The following FBXO27 variants were observed in gnomAD, a reference collection of about 807,000 sequenced individuals.
The protein encoded by FBXO27 is F-box protein 27.
Under a neutral mutation model 28.3 loss-of-function variants are expected in FBXO27, and 28 were observed. That is an observed-to-expected ratio of 0.99 (90% CI 0.73 to 1.36). FBXO27 has a LOEUF of 1.36. Among genes scored for constraint, FBXO27 ranks in the 40% most tolerant of loss-of-function variants. The probability of loss-of-function intolerance (pLI) is 0.00; values close to 1 mark genes in which losing one functional copy is unlikely to be tolerated. For missense variants in FBXO27, 388 were observed against 394.1 expected, an observed-to-expected ratio of 0.98 and a Z score of 0.13; for synonymous variants, 175 against 167.3, an observed-to-expected ratio of 1.05 and a Z score of -0.36.
chr19:39,028,146 G>A (rs1447723172), intron 4 of FBXO27, among the ~76,000 whole-genome samples: 5 of 151,922 alleles, frequency 3.3e-5, no homozygotes, highest in Admixed American at 6.5e-5. Context: ...CAGGAGAATC[G>A]CTGGAACCCA....
rs1160289289 is a variant in FBXO27 at position 39,031,975 on chromosome 19, G to A, written c.253C>T (p.Leu85Phe). The part of the protein sequence containing the change: ...HGATGRALLH[L>F]ARSCQSPARN... ...GCGGGAGACTGGCAGCTGCGGGCGA[G>A]GTGCAGCAGCGCGCGGCCGGTGGCG... is the stretch of plus-strand genomic sequence containing the variant. Residue 85 changes from leucine (L) to phenylalanine (F), a missense_variant, in exon 2 of 6, where the codon CTC becomes TTC. Transcript: ENST00000292853. 2 of 1,521,044 alleles carry A rather than the reference G, an allele frequency of 1.3e-6. No individual in the cohort carries two copies. Among genetic ancestry groups the A allele is most frequent in the South Asian group, 2.5e-5 (2 of 79,170 alleles). The allele number at this position is 1,521,044 out of a possible 1,614,324, so 94.2% of individuals were successfully genotyped here.
chr19:39,026,895 T>C lies in FBXO27; in HGVS notation c.683A>G (p.Gln228Arg), dbSNP rs757208196. 6.2e-7 allele frequency: 1 copy of C among 1,614,198 alleles called. No individual in the cohort carries two copies. The highest frequency in any genetic ancestry group is 8.5e-7 in the Non-Finnish European group (1 of 1,180,044). ...KFSAVPDPIP[Q>R]WNNNACLHVT... The stretch of plus-strand genomic sequence containing the variant: ...GTGAAGGCAGGCATTGTTGTTCCAC[T>C]GCGGGATGGGATCAGGCACAGCAGA... Residue 228 changes from glutamine to arginine, a missense_variant, in exon 5 of 6, where the codon CAG becomes CGG. Transcript: ENST00000292853.
chr19:39,008,961 C>T (rs1334818169), intron 2 of FBXO27, among the ~76,000 whole-genome samples: 1 of 152,150 alleles, frequency 6.6e-6, no homozygotes, highest in East Asian at 1.9e-4. Flanking sequence ...GCTGGGATTA[C>T]AGGCACCCGC....
intron 2 of FBXO27, among the ~76,000 whole-genome samples, chr19:39,013,877 G>A (rs533080171): frequency 1.3e-5 from 2 of 152,088 alleles, no homozygotes; most frequent in Admixed American, 1.3e-4. Context: ...GCCGGGTGTG[G>A]TGGTGGGCGC....
At chr19:39,017,310 C>T (rs2072824693) in intron 1 of FBXO27, among the ~76,000 whole-genome samples, 1 of 152,118 alleles carries the variant, frequency 6.6e-6, no homozygotes, top group Non-Finnish European at 1.5e-5. Context: ...TTGTTTTATA[C>T]ACACACAATG....
chr19:39,022,287 C>T (rs1285512916), downstream of FBXO27, among the ~76,000 whole-genome samples: 1 of 150,712 alleles, frequency 6.6e-6, no homozygotes, highest in Non-Finnish European at 1.5e-5. Flanking sequence ...GGCACACGCT[C>T]CCCCACCACA....
At position 39,032,060 on chromosome 19, in the gene FBXO27, G is replaced by A. The variant is rs757143519; in HGVS notation, c.168C>T (p.Gly56=). 6.5e-6 allele frequency: 10 copies of A among 1,530,426 alleles called. No homozygotes were observed. Among genetic ancestry groups the A allele is most frequent in the South Asian group, 3.7e-5 (3 of 81,612 alleles). 94.8% of individuals were successfully genotyped at this position (1,530,426 alleles called of 1,614,324 possible). A position where few individuals can be genotyped will look rare whatever the true frequency, so the allele number is the denominator to read the frequency against. Residue 56 remains glycine, a synonymous_variant, in exon 2 of 6, where the codon GGC becomes GGT. Transcript: ENST00000292853. This position sits in a 1 kb window ranked among gnomAD's most constrained non-coding sequence, Gnocchi z 4.7. The part of the protein sequence containing the change: ...LLGRCRQVCR[G]WRALVDGQAL... ...CCTGGCCGTCCACCAGGGCTCGCCAGCCCCGGCACACTTGGCGGCAGCGCC... is the reference window on the plus strand; with the variant it reads ...CCTGGCCGTCCACCAGGGCTCGCCAACCCCGGCACACTTGGCGGCAGCGCC...
chr19:39,019,839 C>T (rs1312847823), downstream of FBXO27, among the ~76,000 whole-genome samples: 4 of 152,070 alleles, frequency 2.6e-5, no homozygotes, highest in African/African-American at 9.7e-5. Flanking sequence ...GCAACCTCCG[C>T]CTCCTGGGTT....
chr19:39,031,682 C>G (rs1185732781), intron 2 of FBXO27, among the ~76,000 whole-genome samples, 182 bp downstream of exon 2: 1 of 151,262 alleles, frequency 6.6e-6, no homozygotes, highest in African/African-American at 2.4e-5. Flanking sequence ...TGCTGCCCCG[C>G]CCCTCCGGCA....
intron 1 of FBXO27, among the ~76,000 whole-genome samples, chr19:39,015,316 C>T (rs71356829): frequency 1.9e-5 from 1 of 52,122 alleles, no homozygotes. Context: ...AAGACTCTGT[C>T]TCAAAAAAAA....
intron 2 of FBXO27, among the ~76,000 whole-genome samples, chr19:39,008,169 G>A (rs181961783): frequency 4.0e-5 from 6 of 151,802 alleles, no homozygotes; most frequent in Admixed American, 3.9e-4. Flanking sequence ...GGAGGCTGAG[G>A]CACAATACTC....
chr19:39,028,239 AAAAC>A (rs1752990909), intron 4 of FBXO27, among the ~76,000 whole-genome samples: 1 of 151,978 alleles, frequency 6.6e-6, no homozygotes, highest in Non-Finnish European at 1.5e-5. Context: ...TCAAAAACAA[AAAAC>A]AAACAAATAT....
chr19:39,026,714 C>T (rs1235309559), intron 5 of FBXO27, among the ~76,000 whole-genome samples, 156 bp downstream of exon 5: 5 of 152,108 alleles, frequency 3.3e-5, no homozygotes, highest in African/African-American at 7.2e-5. Flanking sequence ...CCTTGTGATC[C>T]GCCTGCCTTG....
At chr19:39,023,317 T>A (rs2072854721), downstream of FBXO27, among the ~76,000 whole-genome samples, 1 of 152,192 alleles carries the variant, frequency 6.6e-6, no homozygotes, top group Non-Finnish European at 1.5e-5. Context: ...TGTATGTTTA[T>A]CTTATTCTTT....
chr19:39,031,374 C>T, intron 2 of FBXO27, 54 bp from the exon 3 acceptor site: 1 of 1,544,212 alleles, frequency 6.5e-7, no homozygotes, highest in East Asian at 2.3e-5. Context: ...CTGTTGGTTC[C>T]TAGTGAGACC....
At position 39,026,962 on chromosome 19, in the gene FBXO27, C is replaced by G; in HGVS notation, c.616G>C (p.Val206Leu). Reference sequence around the variant, plus strand: ...GTCTGGTTGGCGTCTAGAAGTTGGACGAGGAGTCTGTACATACAGCCGCTG... The same window carrying G: ...GTCTGGTTGGCGTCTAGAAGTTGGAGGAGGAGTCTGTACATACAGCCGCTG... ...HDSGCMYRLL[V>L]QLLDANQTVL... Residue 206 changes from valine to leucine, a missense_variant, in exon 5 of 6, where the codon GTC (valine) becomes CTC (leucine). Val to Leu is a conservative substitution (Grantham distance 32). Coordinates refer to ENST00000292853, the MANE Select transcript of FBXO27 (RefSeq NM_178820.5). 1 of 1,614,184 alleles carries G rather than the reference C, an allele frequency of 6.2e-7. No individual in the cohort carries two copies. Among genetic ancestry groups the G allele is most frequent in the Middle Eastern group, 1.6e-4 (1 of 6,062 alleles).
chr19:39,014,712 T>C (rs188497617), intron 1 of FBXO27, among the ~76,000 whole-genome samples: 133 of 149,052 alleles, frequency 8.9e-4, no homozygotes, highest in African/African-American at 3.1e-3. Context: ...GGTAACAGAG[T>C]AAGACCCTGT....
intron 5 of FBXO27, among the ~76,000 whole-genome samples, 162 bp downstream of exon 5, chr19:39,026,708 G>C (rs2072874441): frequency 6.6e-6 from 1 of 152,138 alleles, no homozygotes; most frequent in Admixed American, 6.6e-5. Flanking sequence ...TCCTGACCTT[G>C]TGATCCGCCT....
chr19:39,023,652 C>G (rs150810215), downstream of FBXO27, among the ~76,000 whole-genome samples: 1 of 151,594 alleles, frequency 6.6e-6, no homozygotes, highest in East Asian at 1.9e-4. Context: ...CTCGCTCTTT[C>G]GCCCAGGATG....
Sources: gnomAD v4.1 joint callset for allele counts (sites outside exome capture counted in the v4.1 genomes callset) on GRCh38, gnomAD v4.1.1 for gene constraint, Gnocchi (gnomAD v3.1) non-coding constraint, MANE v1.5 for transcripts, NCBI Gene and HGNC (gene_info 2026-07-23, HGNC 2026-07-21) for gene names.